FBXL7: variants seen among roughly 807,000 people sequenced by gnomAD.
The protein encoded by FBXL7 is F-box/LRR-repeat protein 7.
In FBXL7, 12 loss-of-function variants were observed where a neutral mutation model predicts 38.3. The observed-to-expected ratio is 0.31, with a 90% CI of 0.20 to 0.51. The LOEUF is 0.51. Ranked by LOEUF, FBXL7 falls within the 20% of genes least tolerant of loss-of-function variation. The pLI is 0.98. For missense variants in FBXL7, 567 were observed against 676.4 expected (o/e 0.84, Z 1.79); for synonymous variants, 297 against 300.9 (o/e 0.99, Z 0.13).
chr5:15,821,361 G>T (rs943748604), intron 2 of FBXL7, among the ~76,000 whole-genome samples: 2 of 151,968 alleles, frequency 1.3e-5, no homozygotes, highest in African/African-American at 4.8e-5. Flanking sequence ...ACATCTCATA[G>T]AATTCCTGAG....
chr5:15,515,630 G>T (rs1177234625), intron 1 of FBXL7, among the ~76,000 whole-genome samples: 1 of 152,182 alleles, frequency 6.6e-6, no homozygotes, highest in Non-Finnish European at 1.5e-5. Flanking sequence ...TACTGAAGAA[G>T]CAGCAGATGG....
intron 1 of FBXL7, among the ~76,000 whole-genome samples, chr5:15,508,760 T>G (rs1736714907): frequency 6.6e-6 from 1 of 152,220 alleles, no homozygotes; most frequent in African/African-American, 2.4e-5. Flanking sequence ...CTTCCCTCAC[T>G]TTTTCTGGGC....
At chr5:15,641,309 AG>A (rs1741363032) in intron 2 of FBXL7, among the ~76,000 whole-genome samples, 2 of 152,272 alleles carry the variant, frequency 1.3e-5, no homozygotes, top group African/African-American at 4.8e-5. Flanking sequence ...AACCCAAACA[AG>A]ATGGAGTCCT....
intron 1 of FBXL7, among the ~76,000 whole-genome samples, chr5:15,556,190 T>C (rs1375760175): frequency 6.6e-6 from 1 of 151,960 alleles, no homozygotes; most frequent in African/African-American, 2.4e-5. Context: ...GGCTGGGAAG[T>C]CTCACAGTCT....
intron 2 of FBXL7, among the ~76,000 whole-genome samples, chr5:15,822,786 G>A (rs1344677571): frequency 6.6e-6 from 1 of 151,994 alleles, no homozygotes; most frequent in African/African-American, 2.4e-5. Flanking sequence ...TATGAATGAG[G>A]ACACTAAGGC....
chr5:15,711,320 G>A (rs541013165), intron 2 of FBXL7, among the ~76,000 whole-genome samples: 10 of 152,256 alleles, frequency 6.6e-5, no homozygotes, highest in South Asian at 2.1e-4. Context: ...CCATGATTGC[G>A]TGGCATTCTG....
In FBXL7 at chr5:15,549,198, G is replaced by A. The variant is rs115649194; in HGVS notation, c.37+48485G>A. The stretch of plus-strand genomic sequence containing the variant: ...CACATCACTAAACAAGCTAATACAT[G>A]AGGCATAGCATATTCTACACATAGC... On this transcript the variant is annotated intron_variant, in intron 1 of 3. Transcript: ENST00000504595. 1.2e-3 allele frequency among the ~76,000 whole-genome samples: 186 copies of A among 152,280 alleles called. 1 individual carries two copies. The highest frequency in any genetic ancestry group is 4.0e-3 in the African/African-American group (167 of 41,552).
At chr5:15,774,880 C>T (rs994652242) in intron 2 of FBXL7, among the ~76,000 whole-genome samples, 11 of 151,984 alleles carry the variant, frequency 7.2e-5, no homozygotes, top group African/African-American at 2.7e-4. Flanking sequence ...CCTGAGACAC[C>T]AGGAACTGCT....
intron 1 of FBXL7, among the ~76,000 whole-genome samples, chr5:15,603,527 G>A (rs913507876): frequency 6.6e-6 from 1 of 152,156 alleles, no homozygotes; most frequent in East Asian, 1.9e-4. Context: ...CCTTACTTCT[G>A]GCTCCATGCC....
chr5:15,782,438 C>T (rs566954478), intron 2 of FBXL7, among the ~76,000 whole-genome samples: 2 of 152,222 alleles, frequency 1.3e-5, no homozygotes, highest in Admixed American at 1.3e-4. Flanking sequence ...ATTTACACTC[C>T]CACCAACAGT....
At chr5:15,822,142 G>C (rs1738186040) in intron 2 of FBXL7, among the ~76,000 whole-genome samples, 1 of 150,906 alleles carries the variant, frequency 6.6e-6, no homozygotes, top group African/African-American at 2.4e-5. Flanking sequence ...CACGAGGTCA[G>C]GAGATCGAGA....
intron 2 of FBXL7, among the ~76,000 whole-genome samples, chr5:15,833,285 G>C (rs779068694): frequency 6.6e-5 from 10 of 152,144 alleles, no homozygotes; most frequent in East Asian, 3.9e-4. Context: ...CCTTCTTGCT[G>C]TGTCCTCACA....
intron 2 of FBXL7, among the ~76,000 whole-genome samples, chr5:15,626,558 G>A (rs1306258930): frequency 6.6e-6 from 1 of 151,934 alleles, no homozygotes; most frequent in Non-Finnish European, 1.5e-5. Flanking sequence ...GTGTGTGTGT[G>A]TGTGTGTGTG....
intron 1 of FBXL7, among the ~76,000 whole-genome samples, chr5:15,568,403 T>C (rs988464479): frequency 3.3e-5 from 5 of 152,244 alleles, no homozygotes; most frequent in Admixed American, 2.0e-4. Flanking sequence ...TTTTGAGAAG[T>C]GTCTGTTCAT....
intron 2 of FBXL7, among the ~76,000 whole-genome samples, chr5:15,699,266 C>T (rs1383129267): frequency 2.6e-5 from 4 of 152,174 alleles, no homozygotes; most frequent in Admixed American, 1.3e-4. Flanking sequence ...TATTATCTCA[C>T]AGTTCTGGAG....
intron 1 of FBXL7, among the ~76,000 whole-genome samples, chr5:15,607,528 A>G (rs892662299): frequency 6.6e-6 from 1 of 152,170 alleles, no homozygotes; most frequent in African/African-American, 2.4e-5. Context: ...TTAGTTTTGC[A>G]TAGTACCTAT....
intron 2 of FBXL7, among the ~76,000 whole-genome samples, chr5:15,706,741 A>G (rs1481914664): frequency 6.6e-6 from 1 of 152,156 alleles, no homozygotes; most frequent in Non-Finnish European, 1.5e-5. Context: ...GGAACAGAGG[A>G]TTTTCCCTAA....
At chr5:15,566,080 T>C (rs1369850309) in intron 1 of FBXL7, among the ~76,000 whole-genome samples, 36 of 152,244 alleles carry the variant, frequency 2.4e-4, no homozygotes, top group East Asian at 3.9e-4. Flanking sequence ...AGGAGATTAA[T>C]GACATTTACA....
chr5:15,769,347 G>A (rs1446600046), intron 2 of FBXL7, among the ~76,000 whole-genome samples: 2 of 152,206 alleles, frequency 1.3e-5, no homozygotes, highest in Admixed American at 1.3e-4. Flanking sequence ...TGATGAGTGT[G>A]TGTGTTGTGG....
Sources: allele counts gnomAD v4.1 joint callset (sites outside exome capture counted in the v4.1 genomes callset), GRCh38; gene constraint gnomAD v4.1.1; transcripts MANE v1.5; gene names NCBI Gene and HGNC (gene_info 2026-07-23, HGNC 2026-07-21).